The following CDH9 variants were observed in gnomAD, a reference collection of about 807,000 sequenced individuals.
CDH9 encodes cadherin 9, also known as cadherin-9.
CDH9 carries 28 observed loss-of-function variants against 70.9 expected under a neutral mutation model. That is an observed-to-expected ratio of 0.40 (90% CI 0.29 to 0.54). CDH9 has a LOEUF of 0.54. Ranked by LOEUF, CDH9 falls within the 20% of genes least tolerant of loss-of-function variation. CDH9 has a pLI of 0.59. For missense variants in CDH9, 874 were observed against 984.4 expected (o/e 0.89, Z 1.50); for synonymous variants, 409 against 343.1 (o/e 1.19, Z -2.12).
At chr5:26,970,954 T>G (rs1396876893) in intron 2 of CDH9, among the ~76,000 whole-genome samples, 1 of 152,144 alleles carries the variant, frequency 6.6e-6, no homozygotes, top group Non-Finnish European at 1.5e-5. Context: ...CCTCTAAATT[T>G]TCTGATCCAT....
At chr5:27,031,016 A>G (rs1403317992) in intron 1 of CDH9, among the ~76,000 whole-genome samples, 4 of 151,912 alleles carry the variant, frequency 2.6e-5, no homozygotes, top group Non-Finnish European at 5.9e-5. Flanking sequence ...TTGGTTACAA[A>G]TCTACTTTTT....
chr5:26,986,216 T>A (rs1161265602), intron 2 of CDH9, among the ~76,000 whole-genome samples: 1 of 152,056 alleles, frequency 6.6e-6, no homozygotes, highest in African/African-American at 2.4e-5. Flanking sequence ...CCCAAACATC[T>A]GATATTATAA....
At chr5:27,011,287 A>T (rs780200390) in intron 1 of CDH9, among the ~76,000 whole-genome samples, 2 of 152,094 alleles carry the variant, frequency 1.3e-5, no homozygotes, top group African/African-American at 4.8e-5. Context: ...CCTTACGTGG[A>T]AACAGAACAG....
At chr5:26,985,451 T>G (rs1056369882) in intron 2 of CDH9, among the ~76,000 whole-genome samples, 1 of 152,130 alleles carries the variant, frequency 6.6e-6, no homozygotes, top group Non-Finnish European at 1.5e-5. Context: ...AGTTGCATGT[T>G]TGTGTGTATA....
At chr5:26,975,986 C>G (rs1450334333) in intron 2 of CDH9, among the ~76,000 whole-genome samples, 1 of 152,140 alleles carries the variant, frequency 6.6e-6, no homozygotes, top group African/African-American at 2.4e-5. Flanking sequence ...CTCCAGGTCT[C>G]TTTTTAAAAT....
intron 3 of CDH9, among the ~76,000 whole-genome samples, chr5:26,915,054 G>A (rs991913255): frequency 2.6e-5 from 4 of 151,938 alleles, no homozygotes; most frequent in African/African-American, 9.7e-5. Context: ...GTGGTAGAAT[G>A]TGCACAAAAA....
chr5:26,961,525 C>A (rs1201375932), intron 2 of CDH9, among the ~76,000 whole-genome samples: 1 of 152,088 alleles, frequency 6.6e-6, no homozygotes, highest in Non-Finnish European at 1.5e-5. Context: ...CTTTCTATGT[C>A]TCATTGAATT....
At chr5:26,974,456 A>T (rs1207655946) in intron 2 of CDH9, among the ~76,000 whole-genome samples, 1 of 152,136 alleles carries the variant, frequency 6.6e-6, no homozygotes, top group Non-Finnish European at 1.5e-5. Flanking sequence ...CCGTGATTAC[A>T]ATAGGACTAT....
chr5:26,902,605 TC>T lies in CDH9; in HGVS notation c.1123del (p.Glu375LysfsTer3). On this transcript the variant is annotated frameshift_variant, in exon 7 of 12. Coordinates refer to ENST00000231021, the MANE Select transcript of CDH9 (RefSeq NM_016279.4). LOFTEE classifies it high-confidence loss of function. ...GAACACAGGAGGCTCATCTATATCT[TC>T]CACAGATATTTTGACCACAGCTGTA... is the stretch of plus-strand genomic sequence containing the variant. The part of the protein sequence containing the change: ...KDTAVVKISV[E>X]DIDEPPVFTK... 6.2e-7 allele frequency: 1 copy of T among 1,601,708 alleles called. No individual in the cohort carries two copies. The highest frequency in any genetic ancestry group is 8.6e-7 in the Non-Finnish European group (1 of 1,169,010).
chr5:26,923,417 A>G (rs922716792), intron 2 of CDH9, among the ~76,000 whole-genome samples: 1 of 152,032 alleles, frequency 6.6e-6, no homozygotes, highest in Non-Finnish European at 1.5e-5. Flanking sequence ...ACACCTATAT[A>G]TACAAAGCAA....
At chr5:26,896,490 ATTTC>A (rs1484092259) in intron 7 of CDH9, among the ~76,000 whole-genome samples, 8 of 149,254 alleles carry the variant, frequency 5.4e-5, no homozygotes, top group Non-Finnish European at 9.0e-5. Context: ...AATGAAATGA[ATTTC>A]ATTTCATTAT....
At chr5:26,964,490 C>T (rs545749743) in intron 2 of CDH9, among the ~76,000 whole-genome samples, 3 of 152,168 alleles carry the variant, frequency 2.0e-5, no homozygotes, top group African/African-American at 7.2e-5. Flanking sequence ...TACTAAATTT[C>T]CACTCAACCA....
At chr5:26,897,254 G>T (rs1740769001) in intron 7 of CDH9, among the ~76,000 whole-genome samples, 1 of 151,948 alleles carries the variant, frequency 6.6e-6, no homozygotes, top group Admixed American at 6.6e-5. Context: ...TAGAGGAGCT[G>T]GTACCATTTC....
chr5:26,999,477 A>G (rs941557855), intron 1 of CDH9, among the ~76,000 whole-genome samples: 10 of 152,192 alleles, frequency 6.6e-5, no homozygotes, highest in African/African-American at 2.4e-4. Flanking sequence ...ATAATTTCCA[A>G]ACTTGCTATG....
At chr5:26,960,844 A>G (rs1251457504) in intron 2 of CDH9, among the ~76,000 whole-genome samples, 1 of 152,046 alleles carries the variant, frequency 6.6e-6, no homozygotes, top group Non-Finnish European at 1.5e-5. Context: ...TTTTATTTTC[A>G]TATGCATGTG....
At chr5:26,950,658 AT>A (rs1167320289) in intron 2 of CDH9, among the ~76,000 whole-genome samples, 4 of 152,234 alleles carry the variant, frequency 2.6e-5, no homozygotes, top group African/African-American at 9.6e-5. Context: ...CATTCCATAA[AT>A]ACTGACATCA....
intron 2 of CDH9, among the ~76,000 whole-genome samples, chr5:26,961,919 C>T (rs1242738309): frequency 2.6e-5 from 4 of 151,982 alleles, no homozygotes; most frequent in Admixed American, 2.6e-4. Context: ...GTTGGTTTGC[C>T]ACACCCATCA....
At chr5:27,018,470 A>G (rs1233585228) in intron 1 of CDH9, among the ~76,000 whole-genome samples, 2 of 151,860 alleles carry the variant, frequency 1.3e-5, no homozygotes, top group Admixed American at 6.6e-5. Context: ...AGATTCCACT[A>G]TTAGTAAGTT....
intron 2 of CDH9, among the ~76,000 whole-genome samples, chr5:26,960,107 C>T (rs1742009671): frequency 6.6e-6 from 1 of 151,668 alleles, no homozygotes; most frequent in African/African-American, 2.4e-5. Flanking sequence ...TTGCAAAATA[C>T]TATGTAAACA....
Sources: allele counts gnomAD v4.1 joint callset (sites outside exome capture counted in the v4.1 genomes callset), GRCh38; gene constraint gnomAD v4.1.1; transcripts MANE v1.5; gene names NCBI Gene and HGNC (gene_info 2026-07-23, HGNC 2026-07-21).